The following NFKB1 variants were observed in gnomAD, a reference collection of about 807,000 sequenced individuals.
NFKB1 encodes the protein nuclear factor NF-kappa-B p105 subunit.
Under a neutral mutation model 105.1 loss-of-function variants are expected in NFKB1, and 9 were observed. The ratio of observed to expected loss-of-function variants is 0.09; its 90% CI spans 0.05 to 0.15. NFKB1 has a LOEUF of 0.15. Among genes scored for constraint, NFKB1 ranks in the 10% least tolerant of loss-of-function variants. The pLI is 1.00. For missense variants in NFKB1, 830 were observed against 1,203.7 expected (o/e 0.69, Z 4.59); for synonymous variants, 440 against 442.2 (o/e 1.00, Z 0.06).
Position 102,583,008 on chromosome 4 carries a change from C to T in NFKB1, c.927+51C>T, listed in dbSNP as rs1286723931. The T allele has an allele frequency of 2.4e-6, 3 of 1,262,630 alleles. No individual in the cohort carries two copies. In the South Asian group the frequency reaches 3.8e-5, roughly 16 times the overall value. The allele number at this position is 1,262,630 out of a possible 1,614,324, so 78.2% of individuals were successfully genotyped here. On this transcript the variant is annotated intron_variant, in intron 10 of 23. Transcript: ENST00000226574. ...TCCTTATTATTTTTAGAGATGGGATCTCACTCTGACACCCAGGCTGCAGTG... is the reference window on the plus strand; with the variant it reads ...TCCTTATTATTTTTAGAGATGGGATTTCACTCTGACACCCAGGCTGCAGTG...
intron 1 of NFKB1, among the ~76,000 whole-genome samples, chr4:102,521,857 C>T (rs1309224562): frequency 6.6e-6 from 1 of 152,192 alleles, no homozygotes; most frequent in African/African-American, 2.4e-5. Flanking sequence ...CTAGTTGTAA[C>T]ATTATGTTTT....
chr4:102,598,234 ATTC>A (rs1473005431), intron 15 of NFKB1, among the ~76,000 whole-genome samples: 1 of 152,158 alleles, frequency 6.6e-6, no homozygotes, highest in Non-Finnish European at 1.5e-5. Context: ...CATGCCTTCC[ATTC>A]TTGCTATTAC....
At chr4:102,534,752 A>G (rs1168649901) in intron 4 of NFKB1, among the ~76,000 whole-genome samples, 1 of 152,178 alleles carries the variant, frequency 6.6e-6, no homozygotes, top group Non-Finnish European at 1.5e-5. Flanking sequence ...TTGCAGCTGT[A>G]TTACCCAATA....
intron 8 of NFKB1, 41 bp downstream of exon 8, chr4:102,579,080 A>G: frequency 1.3e-6 from 2 of 1,590,192 alleles, no homozygotes; most frequent in Non-Finnish European, 1.7e-6. Context: ...CCAAGAATAG[A>G]CTTCCAGCCC....
At chr4:102,575,365 G>C (rs72931443) in intron 6 of NFKB1, among the ~76,000 whole-genome samples, 1,740 of 152,026 alleles carry the variant, frequency 0.011, 40 homozygotes, top group African/African-American at 0.039. Flanking sequence ...TACTTTATCT[G>C]ACCTTCCTAC....
intron 6 of NFKB1, among the ~76,000 whole-genome samples, chr4:102,568,335 AAAATT>A (rs748762203): frequency 7.2e-5 from 11 of 152,172 alleles, no homozygotes; most frequent in Non-Finnish European, 1.3e-4. Flanking sequence ...ATTGATTTGA[AAAATT>A]AAAGTGTGCT....
At chr4:102,501,841 C>G (rs1055845583) in intron 1 of NFKB1, 53 bp downstream of exon 1, 1 of 152,620 alleles carries the variant, frequency 6.6e-6, no homozygotes, top group Non-Finnish European at 1.5e-5. Context: ...TGGCCCAAGT[C>G]CTGCCGCCCA....
At chr4:102,600,166 A>G (rs4648082) in intron 15 of NFKB1, among the ~76,000 whole-genome samples, 2,733 of 152,348 alleles carry the variant, frequency 0.018, 41 homozygotes, top group African/African-American at 0.046. Flanking sequence ...AGGTTAGGAA[A>G]GTATTCTCTG....
chr4:102,555,740 C>G (rs1281758834), intron 5 of NFKB1, among the ~76,000 whole-genome samples: 1 of 152,004 alleles, frequency 6.6e-6, no homozygotes, highest in Non-Finnish European at 1.5e-5. Context: ...ATGAAGAGCA[C>G]GTGGAAGGCA....
chr4:102,539,336 C>A (rs1021560903), intron 5 of NFKB1, among the ~76,000 whole-genome samples: 2 of 151,886 alleles, frequency 1.3e-5, no homozygotes, highest in African/African-American at 4.8e-5. Context: ...TAGGCCCAGG[C>A]CTGTTAAATT....
intron 1 of NFKB1, among the ~76,000 whole-genome samples, chr4:102,524,127 A>T (rs1368152892): frequency 1.3e-5 from 2 of 152,064 alleles, no homozygotes; most frequent in African/African-American, 4.8e-5. Flanking sequence ...CTAAAATTTG[A>T]TCTAAATAAA....
intron 2 of NFKB1, among the ~76,000 whole-genome samples, chr4:102,526,885 A>G (rs905966597): frequency 6.6e-6 from 1 of 152,066 alleles, no homozygotes; most frequent in Non-Finnish European, 1.5e-5. Flanking sequence ...ATTGGTTCTT[A>G]AAACCGACAT....
intron 6 of NFKB1, 79 bp from the exon 7 acceptor site, chr4:102,576,797 A>G (rs1281235688): frequency 7.0e-7 from 1 of 1,435,928 alleles, no homozygotes; most frequent in African/African-American, 1.4e-5. Context: ...TTTAATTTAC[A>G]AGTGAAGCCA....
intron 5 of NFKB1, among the ~76,000 whole-genome samples, chr4:102,554,928 A>G (rs1722873579): frequency 6.6e-6 from 1 of 152,206 alleles, no homozygotes; most frequent in Non-Finnish European, 1.5e-5. Context: ...ATGTTTTAGC[A>G]TCTCTGCAGC....
intron 15 of NFKB1, 64 bp from the exon 16 acceptor site, chr4:102,600,831 C>T (rs1727084824): frequency 4.1e-6 from 4 of 964,582 alleles, no homozygotes; most frequent in African/African-American, 3.2e-5. Context: ...CTAATCACAT[C>T]TTGGGAATCT....
intron 2 of NFKB1, among the ~76,000 whole-genome samples, chr4:102,527,195 C>T (rs1740975469): frequency 6.6e-6 from 1 of 152,126 alleles, no homozygotes; most frequent in Non-Finnish European, 1.5e-5. Context: ...AGAACAGAGA[C>T]ATTGTTTTCA....
At chr4:102,521,171 C>T (rs1186216823) in intron 1 of NFKB1, among the ~76,000 whole-genome samples, 1 of 152,278 alleles carries the variant, frequency 6.6e-6, no homozygotes, top group East Asian at 1.9e-4. Context: ...TTTTTTTACA[C>T]ACTTGCTCAG....
chr4:102,534,708 T>A (rs1257386920), intron 4 of NFKB1, among the ~76,000 whole-genome samples: 2 of 152,186 alleles, frequency 1.3e-5, no homozygotes, highest in Non-Finnish European at 2.9e-5. Flanking sequence ...CTAATCACAT[T>A]TGTGTGTGAC....
chr4:102,606,585 C>T lies in NFKB1; in HGVS notation c.1842C>T (p.Arg614=). 6.2e-7 allele frequency: 1 copy of T among 1,614,160 alleles called. No homozygotes were observed. Among genetic ancestry groups the T allele is most frequent in the Non-Finnish European group, 8.5e-7 (1 of 1,180,030 alleles). Residue 614 remains arginine (R), a synonymous_variant, in exon 17 of 24, where the codon CGC becomes CGT. Coordinates refer to ENST00000226574, the MANE Select transcript of NFKB1 (RefSeq NM_003998.4). ...GGGCCGACCTGAGCCTTCTGGACCG[C>T]TTGGGTAACTCTGTTTTGCACCTAG... ...RAGADLSLLD[R]LGNSVLHLAA... is the part of the protein sequence containing the mutation.
Sources: gnomAD v4.1 joint callset for allele counts (sites outside exome capture counted in the v4.1 genomes callset) on GRCh38, gnomAD v4.1.1 for gene constraint, MANE v1.5 for transcripts, NCBI Gene and HGNC (gene_info 2026-07-23, HGNC 2026-07-21) for gene names.